PRKG1: variants seen among roughly 807,000 people sequenced by gnomAD.
PRKG1 encodes protein kinase cGMP-dependent 1, also known as cGMP-dependent protein kinase 1.
Under a neutral mutation model 88.1 loss-of-function variants are expected in PRKG1, and 35 were observed. The ratio of observed to expected loss-of-function variants is 0.40; its 90% CI spans 0.30 to 0.53. The LOEUF (loss-of-function observed/expected upper bound fraction) is 0.53, where lower values mean the gene tolerates loss of function less well. PRKG1 is among the 20% of genes least tolerant of loss of function. The pLI, the probability that PRKG1 is intolerant of heterozygous loss-of-function variation, is 0.59. For missense variants in PRKG1, 540 were observed against 839.8 expected (o/e 0.64, Z 4.41); for synonymous variants, 303 against 292.5 (o/e 1.04, Z -0.37).
At chr10:51,779,650 C>G (rs545683918) in intron 3 of PRKG1, among the ~76,000 whole-genome samples, 1 of 152,206 alleles carries the variant, frequency 6.6e-6, no homozygotes, top group African/African-American at 2.4e-5. Context: ...GAAGAGAAGA[C>G]CCTAACTCCT....
At chr10:51,749,690 C>T (rs529641066) in intron 3 of PRKG1, among the ~76,000 whole-genome samples, 15 of 152,270 alleles carry the variant, frequency 9.9e-5, no homozygotes, top group Middle Eastern at 3.4e-3. Flanking sequence ...AGTCTTAAAA[C>T]TGATTAGACA....
At chr10:51,603,172 G>T (rs2339797) in intron 3 of PRKG1, among the ~76,000 whole-genome samples, 43,138 of 151,792 alleles carry the variant, frequency 0.28, 7,681 homozygotes, top group East Asian at 0.84. Context: ...TGGCCAGGCT[G>T]GTCTCGACCT....
At chr10:51,452,685 C>T (rs1303602636) in intron 2 of PRKG1, among the ~76,000 whole-genome samples, 5 of 151,870 alleles carry the variant, frequency 3.3e-5, no homozygotes, top group East Asian at 1.9e-4. Context: ...CTGTTGGATT[C>T]GGTTAGCTAG....
chr10:51,701,552 G>C (rs992852001), intron 3 of PRKG1, among the ~76,000 whole-genome samples: 1 of 152,124 alleles, frequency 6.6e-6, no homozygotes, highest in Non-Finnish European at 1.5e-5. Flanking sequence ...TCCCCAGTGT[G>C]ATTCTTTTAT....
chr10:51,796,823 G>A (rs1839023695), intron 3 of PRKG1, among the ~76,000 whole-genome samples: 1 of 152,026 alleles, frequency 6.6e-6, no homozygotes, highest in African/African-American at 2.4e-5. Flanking sequence ...GTACAGGAAA[G>A]GCAAATTTGA....
chr10:51,259,779 A>G (rs1282290508), intron 2 of PRKG1, among the ~76,000 whole-genome samples: 1 of 152,088 alleles, frequency 6.6e-6, no homozygotes, highest in East Asian at 1.9e-4. Context: ...CCTGGCCCTC[A>G]TCCCTTTTTT....
intron 9 of PRKG1, among the ~76,000 whole-genome samples, chr10:52,204,094 A>T (rs200236036): frequency 1.2e-4 from 8 of 69,478 alleles, no homozygotes; most frequent in African/African-American, 2.1e-4. Flanking sequence ...TATTATTATT[A>T]TTATTATTAT....
At chr10:51,993,332 A>T (rs751355931) in intron 5 of PRKG1, among the ~76,000 whole-genome samples, 9 of 152,182 alleles carry the variant, frequency 5.9e-5, no homozygotes, top group Non-Finnish European at 1.2e-4. Flanking sequence ...CATTAAAAAA[A>T]ATATAGTCTG....
At chr10:51,185,079 A>C (rs2132031687) in intron 2 of PRKG1, among the ~76,000 whole-genome samples, 1 of 152,312 alleles carries the variant, frequency 6.6e-6, no homozygotes, top group South Asian at 2.1e-4. Context: ...GATTTGACCA[A>C]TATTTAGCTT....
At chr10:52,069,914 C>A (rs947626154) in intron 7 of PRKG1, among the ~76,000 whole-genome samples, 2 of 151,442 alleles carry the variant, frequency 1.3e-5, no homozygotes, top group African/African-American at 4.9e-5. Context: ...GTCATTCCTT[C>A]GTTTAGAAGT....
At chr10:51,764,346 C>T (rs527729714) in intron 3 of PRKG1, among the ~76,000 whole-genome samples, 2 of 152,196 alleles carry the variant, frequency 1.3e-5, no homozygotes, top group African/African-American at 4.8e-5. Flanking sequence ...AAGTGAGATC[C>T]TCATGCCCTG....
chr10:51,352,555 G>C (rs1162458920), intron 2 of PRKG1, among the ~76,000 whole-genome samples: 1 of 152,010 alleles, frequency 6.6e-6, no homozygotes, highest in Non-Finnish European at 1.5e-5. Context: ...GATCTCTACA[G>C]TGAAAACTAT....
chr10:51,565,795 T>C (rs1337796449), intron 3 of PRKG1, among the ~76,000 whole-genome samples: 1 of 149,068 alleles, frequency 6.7e-6, no homozygotes, highest in African/African-American at 2.6e-5. Context: ...ACATTTACTT[T>C]TGGTGAAAAA....
At chr10:51,665,468 A>T (rs1299865204) in intron 3 of PRKG1, among the ~76,000 whole-genome samples, 2 of 152,152 alleles carry the variant, frequency 1.3e-5, no homozygotes, top group African/African-American at 2.4e-5. Flanking sequence ...AGACCGTATG[A>T]TCAGTAAACT....
chr10:51,494,681 T>C (rs1840803696), intron 3 of PRKG1, among the ~76,000 whole-genome samples: 1 of 152,212 alleles, frequency 6.6e-6, no homozygotes, highest in South Asian at 2.1e-4. Flanking sequence ...CATGATTTAG[T>C]TCTAGTCTAA....
intron 2 of PRKG1, among the ~76,000 whole-genome samples, chr10:51,233,205 G>T (rs921241033): frequency 6.6e-6 from 1 of 152,102 alleles, no homozygotes; most frequent in African/African-American, 2.4e-5. Flanking sequence ...TTGTCACTCC[G>T]GTTTCTCTGA....
chr10:51,802,305 T>G (rs1839192790), intron 3 of PRKG1, among the ~76,000 whole-genome samples: 3 of 152,172 alleles, frequency 2.0e-5, no homozygotes, highest in South Asian at 2.1e-4. Flanking sequence ...ATGGACAAAT[T>G]TGCAATCTCA....
At chr10:51,008,559 A>G (rs1842962283) in intron 1 of PRKG1, among the ~76,000 whole-genome samples, 1 of 151,912 alleles carries the variant, frequency 6.6e-6, no homozygotes, top group African/African-American at 2.4e-5. Context: ...CTTTGCCTTC[A>G]TTTTCACATG....
At chr10:51,047,709 A>G (rs2132765229) in intron 1 of PRKG1, among the ~76,000 whole-genome samples, 1 of 151,852 alleles carries the variant, frequency 6.6e-6, no homozygotes, top group Admixed American at 6.6e-5. Context: ...ACTCCCTATC[A>G]TCCCTGGGGC....
Sources: gnomAD v4.1 joint callset for allele counts (sites outside exome capture counted in the v4.1 genomes callset) on GRCh38, gnomAD v4.1.1 for gene constraint, MANE v1.5 for transcripts, NCBI Gene and HGNC (gene_info 2026-07-23, HGNC 2026-07-21) for gene names.